Variants in RBFOX1 observed in about 807,000 individuals in gnomAD.
The protein encoded by RBFOX1 is RNA binding fox-1 homolog 1, also known as RNA binding protein fox-1 homolog 1.
Under a neutral mutation model 57.7 loss-of-function variants are expected in RBFOX1, and 8 were observed. The ratio of observed to expected loss-of-function variants is 0.14; its 90% CI spans 0.08 to 0.25. RBFOX1 has a LOEUF of 0.25. Among genes scored for constraint, RBFOX1 ranks in the 10% least tolerant of loss-of-function variants. The pLI is 1.00. For missense variants in RBFOX1, 611 were observed against 548.5 expected (o/e 1.11, Z -1.14); for synonymous variants, 326 against 222.4 (o/e 1.47, Z -4.15).
chr16:5,362,741 T>C (rs1282850032), intron 1 of RBFOX1, among the ~76,000 whole-genome samples: 1 of 152,034 alleles, frequency 6.6e-6, no homozygotes, highest in East Asian at 1.9e-4. Context: ...CATTTTGCTC[T>C]GTTTCTGTGT....
intron 1 of RBFOX1, among the ~76,000 whole-genome samples, chr16:6,137,916 G>C (rs764752921): frequency 1.3e-5 from 2 of 152,030 alleles, no homozygotes; most frequent in African/African-American, 2.4e-5. Context: ...GGCCTTCACA[G>C]CATTTTGAGG....
chr16:5,347,760 A>G (rs984351034), intron 1 of RBFOX1, among the ~76,000 whole-genome samples: 2 of 122,944 alleles, frequency 1.6e-5, no homozygotes, highest in Admixed American at 1.8e-4. Context: ...CAACCCATCC[A>G]CCCACACTTC....
At chr16:6,959,491 T>TTTTTTTA (rs1008451857) in intron 3 of RBFOX1, among the ~76,000 whole-genome samples, 1 of 151,752 alleles carries the variant, frequency 6.6e-6, no homozygotes, top group Non-Finnish European at 1.5e-5. Flanking sequence ...AGGGAGTATC[T>TTTTTTTA]TTTTTTATTT....
At chr16:7,149,109 CCCA>C (rs1243069567) in intron 4 of RBFOX1, among the ~76,000 whole-genome samples, 1 of 152,148 alleles carries the variant, frequency 6.6e-6, no homozygotes, top group African/African-American at 2.4e-5. Context: ...TCTTTGAAAA[CCCA>C]GGTTTCCAGA....
At chr16:7,294,742 T>G (rs1314373439) in intron 4 of RBFOX1, among the ~76,000 whole-genome samples, 1 of 152,002 alleles carries the variant, frequency 6.6e-6, no homozygotes, top group Non-Finnish European at 1.5e-5. Context: ...CAAAAGTGCT[T>G]ACGAGGTTTA....
At chr16:7,140,461 G>A (rs2073457903) in intron 4 of RBFOX1, among the ~76,000 whole-genome samples, 4 of 151,772 alleles carry the variant, frequency 2.6e-5, no homozygotes, top group Admixed American at 1.3e-4. Context: ...AGTTTTGTAA[G>A]GAGAGAAATG....
intron 3 of RBFOX1, among the ~76,000 whole-genome samples, chr16:5,759,786 C>A (rs576970334): frequency 1.9e-4 from 24 of 129,408 alleles, no homozygotes; most frequent in Admixed American, 3.4e-4. Flanking sequence ...CAGTATTCCT[C>A]TCTGGGATTT....
chr16:5,464,274 G>A lies in RBFOX1; in HGVS notation c.220-2942G>A, dbSNP rs556236339. The stretch of plus-strand genomic sequence containing the variant: ...AGTTGGGACTAGAACTGCACAGTCA[G>A]GGGTCCCCAGTGGGGTAGACATTGG... On this transcript the variant is annotated intron_variant, in intron 1 of 2. Transcript: ENST00000585867. Among the ~76,000 whole-genome samples, 3 of 152,354 alleles carry A rather than the reference G, an allele frequency of 2.0e-5. No homozygotes were observed. The South Asian group carries it at 6.2e-4, about 32-fold the overall frequency.
intron 3 of RBFOX1, among the ~76,000 whole-genome samples, chr16:6,814,758 G>T (rs1045033078): frequency 1.3e-5 from 2 of 152,082 alleles, no homozygotes; most frequent in Non-Finnish European, 2.9e-5. Context: ...TGGGGGAGAG[G>T]TGGGGCTAGA....
At chr16:6,658,765 C>T (rs1356795716) in intron 3 of RBFOX1, among the ~76,000 whole-genome samples, 1 of 152,080 alleles carries the variant, frequency 6.6e-6, no homozygotes, top group Non-Finnish European at 1.5e-5. Flanking sequence ...CGCTTCCAAG[C>T]CCGCCAATTA....
At chr16:5,311,910 C>A (rs1031798536) in intron 1 of RBFOX1, among the ~76,000 whole-genome samples, 3 of 152,292 alleles carry the variant, frequency 2.0e-5, no homozygotes, top group Middle Eastern at 3.4e-3. Flanking sequence ...GTCACTTGCT[C>A]CTTGTTACGG....
At chr16:5,561,934 G>C (rs1051524833) in intron 2 of RBFOX1, among the ~76,000 whole-genome samples, 1 of 152,118 alleles carries the variant, frequency 6.6e-6, no homozygotes, top group Non-Finnish European at 1.5e-5. Context: ...TAATTCTTTC[G>C]AGGGCCTCTT....
Position 6,074,368 on chromosome 16 carries a change from G to C in RBFOX1, c.-127+54376G>C, listed in dbSNP as rs115999702. ...AGCACAAACATTTCACCCCCTTATA[G>C]CTCTGCAGATATTTTCTGGAATGAC... On this transcript the variant is annotated intron_variant, in intron 1 of 15. Transcript: ENST00000550418. 9.8e-3 allele frequency among the ~76,000 whole-genome samples: 1,492 copies of C among 152,192 alleles called. 21 individuals carry two copies. Among genetic ancestry groups the C allele is most frequent in the African/African-American group, 0.032 (1,336 of 41,516 alleles).
At chr16:6,355,358 C>T (rs938975782) in intron 2 of RBFOX1, among the ~76,000 whole-genome samples, 5 of 151,942 alleles carry the variant, frequency 3.3e-5, no homozygotes, top group Non-Finnish European at 7.4e-5. Flanking sequence ...TTGTTCAACT[C>T]CCACTTATGA....
rs2154263460 is a variant in RBFOX1 at position 6,807,763 on chromosome 16, C to G, written c.-16+153113C>G. Among the ~76,000 whole-genome samples the G allele has an allele frequency of 5.9e-5, 9 of 152,058 alleles. No individual in the cohort carries two copies. In the Middle Eastern group the frequency reaches 0.02, roughly 345 times the overall value. ...TCCAGGAGATGGAGGTTGTAGTGAG[C>G]TAAGATTGTGTCACTGTACTCCAGC... On this transcript the variant is annotated intron_variant, in intron 3 of 15. Transcript: ENST00000550418.
Position 6,906,075 on chromosome 16 carries a change from T to C in RBFOX1, c.-15-145982T>C, listed in dbSNP as rs142837683. On this transcript the variant is annotated intron_variant, in intron 3 of 15. Coordinates refer to ENST00000550418, the MANE Select transcript of RBFOX1 (RefSeq NM_018723.4). The stretch of plus-strand genomic sequence containing the variant: ...CAGTGAGCTCATCTCCACCTGATAC[T>C]TTGTCTTCGATGGAACGCTTTGCTT... Among the ~76,000 whole-genome samples the C allele has an allele frequency of 1.8e-3, 269 of 151,964 alleles. 1 individual carries two copies. The highest frequency in any genetic ancestry group is 0.014 in the Middle Eastern group (4 of 294).
At chr16:5,320,797 G>C (rs533637523) in intron 1 of RBFOX1, among the ~76,000 whole-genome samples, 1 of 152,162 alleles carries the variant, frequency 6.6e-6, no homozygotes, top group Non-Finnish European at 1.5e-5. Flanking sequence ...TGAGTAGAGA[G>C]AGCTGGGGGC....
In RBFOX1 at chr16:6,383,734, C is replaced by T. The variant is rs140276610; in HGVS notation, c.-64+66677C>T. Among the ~76,000 whole-genome samples the T allele has an allele frequency of 3.8e-3, 571 of 151,876 alleles. 2 individuals carry two copies. The highest frequency in any genetic ancestry group is 4.4e-3 in the Non-Finnish European group (300 of 68,008). On this transcript the variant is annotated intron_variant, in intron 2 of 15. Transcript: ENST00000550418. ...GCAGTGAGCCAACATCGCACCACTGCACTCCAGCCTGGGCGACAGTGCGAG... is the reference window on the plus strand; with the variant it reads ...GCAGTGAGCCAACATCGCACCACTGTACTCCAGCCTGGGCGACAGTGCGAG...
chr16:6,978,499 C>G (rs751188301), intron 3 of RBFOX1, among the ~76,000 whole-genome samples: 26 of 152,242 alleles, frequency 1.7e-4, no homozygotes, highest in Admixed American at 5.9e-4. Flanking sequence ...ATTATTATCT[C>G]CATTTTACAG....
Sources: gnomAD v4.1 joint callset for allele counts (sites outside exome capture counted in the v4.1 genomes callset) on GRCh38, gnomAD v4.1.1 for gene constraint, MANE v1.5 for transcripts, NCBI Gene and HGNC (gene_info 2026-07-23, HGNC 2026-07-21) for gene names.